The following UBTD2 variants were observed in gnomAD, a reference collection of about 807,000 sequenced individuals.
UBTD2 encodes the protein ubiquitin domain-containing protein 2.
Under a neutral mutation model 19.8 loss-of-function variants are expected in UBTD2, and 9 were observed. The ratio of observed to expected loss-of-function variants is 0.46; its 90% CI spans 0.27 to 0.79. The LOEUF (loss-of-function observed/expected upper bound fraction) is 0.79. Ranked by LOEUF, UBTD2 falls within the 30% of genes least tolerant of loss-of-function variation. The pLI is 0.14. For synonymous variants in UBTD2, 98 were observed against 103.9 expected (o/e 0.94, Z 0.35); for missense variants, 250 against 300.4 (o/e 0.83, Z 1.24).
At chr5:172,258,660 G>T (rs756292957) in intron 1 of UBTD2, among the ~76,000 whole-genome samples, 3 of 152,106 alleles carry the variant, frequency 2.0e-5, no homozygotes, top group Non-Finnish European at 4.4e-5. Flanking sequence ...TCTTGTTGTA[G>T]AGATCTTTCA....
chr5:172,242,207 C>G (rs1164387258), intron 1 of UBTD2, among the ~76,000 whole-genome samples: 1 of 152,190 alleles, frequency 6.6e-6, no homozygotes, highest in Non-Finnish European at 1.5e-5. Context: ...AACCATGAGC[C>G]AAATAAAACT....
At chr5:172,244,541 G>C (rs893107912) in intron 1 of UBTD2, among the ~76,000 whole-genome samples, 1 of 151,348 alleles carries the variant, frequency 6.6e-6, no homozygotes, top group Non-Finnish European at 1.5e-5. Flanking sequence ...TAGATGATCC[G>C]CCCGCCTTAG....
intron 1 of UBTD2, among the ~76,000 whole-genome samples, chr5:172,243,913 C>G (rs1033069584): frequency 6.6e-6 from 1 of 151,886 alleles, no homozygotes; most frequent in African/African-American, 2.4e-5. Flanking sequence ...TGGCTGAAAC[C>G]GTGCACTATT....
intron 1 of UBTD2, chr5:172,242,348 CTTAT>C (rs1772149731): frequency 6.1e-6 from 6 of 979,902 alleles, no homozygotes; most frequent in Middle Eastern, 5.3e-4. Flanking sequence ...ATTATGAAGT[CTTAT>C]TTATTAGATT....
At chr5:172,254,512 C>A in intron 1 of UBTD2, 1 of 566,910 alleles carries the variant, frequency 1.8e-6, no homozygotes, top group Non-Finnish European at 3.2e-6. Flanking sequence ...TCAGACCGAG[C>A]AAACGTCCAT....
intron 1 of UBTD2, among the ~76,000 whole-genome samples, chr5:172,282,552 A>G (rs1289624743): frequency 6.6e-6 from 1 of 152,172 alleles, no homozygotes; most frequent in Non-Finnish European, 1.5e-5. Flanking sequence ...AAAAAGTTGT[A>G]AACCCTCCCA....
At chr5:172,217,348 G>A (rs1180207623) in intron 2 of UBTD2, among the ~76,000 whole-genome samples, 1 of 151,050 alleles carries the variant, frequency 6.6e-6, no homozygotes, top group Non-Finnish European at 1.5e-5. Context: ...GAACCCGGGA[G>A]GCGGAGCTTG....
chr5:172,216,682 C>T lies in UBTD2; in HGVS notation c.308-4455G>A, dbSNP rs1038227070. On this transcript the variant is annotated intron_variant, in intron 2 of 2. Coordinates refer to ENST00000393792, the MANE Select transcript of UBTD2 (RefSeq NM_152277.3). ...CAAAGAAAAGAATTAAATGGCTGGGCGCGGTGGCTCATGCCTGTAATCCAG... is the reference window on the plus strand; with the variant it reads ...CAAAGAAAAGAATTAAATGGCTGGGTGCGGTGGCTCATGCCTGTAATCCAG... Among the ~76,000 whole-genome samples the T allele has an allele frequency of 2.0e-5, 3 of 147,798 alleles. No individual in the cohort carries two copies. In the East Asian group the frequency reaches 6.1e-4, roughly 30 times the overall value.
intron 1 of UBTD2, among the ~76,000 whole-genome samples, chr5:172,267,652 TCTC>T (rs1423088237): frequency 6.6e-6 from 1 of 152,184 alleles, no homozygotes; most frequent in Admixed American, 6.6e-5. Flanking sequence ...AAACTTAAAA[TCTC>T]CTACAGAACT....
chr5:172,223,870 C>G (rs1033020551), intron 2 of UBTD2, among the ~76,000 whole-genome samples: 6 of 151,994 alleles, frequency 3.9e-5, no homozygotes, highest in Non-Finnish European at 7.4e-5. Context: ...TGGAAGAGAA[C>G]AAAAGACAGA....
At chr5:172,277,275 T>C (rs1158701711) in intron 1 of UBTD2, among the ~76,000 whole-genome samples, 1 of 152,078 alleles carries the variant, frequency 6.6e-6, no homozygotes, top group Non-Finnish European at 1.5e-5. Flanking sequence ...AGAAAGCAAA[T>C]GTTAGCTGTG....
chr5:172,216,532 T>C (rs1006151189), intron 2 of UBTD2, among the ~76,000 whole-genome samples: 5 of 136,242 alleles, frequency 3.7e-5, no homozygotes, highest in African/African-American at 1.4e-4. Flanking sequence ...GTAGGAGGAC[T>C]GCTTGAGCCC....
At position 172,211,860 on chromosome 5, in the gene UBTD2, A is replaced by G; in HGVS notation, c.675T>C (p.Pro225=). ...DYVVQVIVSQ[P]VQNPTPVEN is the part of the protein sequence containing the mutation. ...TCTCCACTGGTGTTGGGTTCTGCAC[A>G]GGTTGGCTCACTATAACCTGTACAA... Residue 225 remains proline, a synonymous_variant, in exon 3 of 3, where the codon CCT becomes CCC. Coordinates refer to ENST00000393792, the MANE Select transcript of UBTD2 (RefSeq NM_152277.3). 6.2e-7 allele frequency: 1 copy of G among 1,613,862 alleles called. No homozygotes were observed. The highest frequency in any genetic ancestry group is 8.5e-7 in the Non-Finnish European group (1 of 1,179,788).
chr5:172,224,298 CTTTTTTTTTT>C lies in UBTD2; in HGVS notation c.307+9814_307+9823del, dbSNP rs35105814. Among the ~76,000 whole-genome samples, 14 of 121,644 alleles carry C rather than the reference CTTTTTTTTTT, an allele frequency of 1.2e-4. 1 individual carries two copies. In the South Asian group the frequency reaches 2.7e-3, roughly 24 times the overall value. 79.8% of individuals were successfully genotyped at this position (121,644 alleles called of 152,430 possible). ...TCATGAGATCTGATGTTTTTCATTT[CTTTTTTTTTT>C]TTTTTTTTTGAGACAGAATCTCACC... is the stretch of plus-strand genomic sequence containing the variant. On this transcript the variant is annotated intron_variant, in intron 2 of 2. Coordinates refer to ENST00000393792, the MANE Select transcript of UBTD2 (RefSeq NM_152277.3).
rs550817307 is a variant in UBTD2, at chr5:172,255,781, C to A, written c.71-21423G>T. On this transcript the variant is annotated intron_variant, in intron 1 of 2. Transcript: ENST00000393792. ...AGGGTGGGAGGGTCAGGGCTGAATT[C>A]TTAACTTTTAAGATAGATGGCAAGG... 6.6e-5 allele frequency among the ~76,000 whole-genome samples: 10 copies of A among 152,192 alleles called. No individual in the cohort carries two copies. The East Asian group carries it at 1.9e-3, about 29-fold the overall frequency.
At chr5:172,236,565 T>C (rs767346404) in intron 1 of UBTD2, among the ~76,000 whole-genome samples, 1 of 152,196 alleles carries the variant, frequency 6.6e-6, no homozygotes, top group Admixed American at 6.5e-5. Flanking sequence ...GAATGCAAGG[T>C]TGATTTTATT....
intron 1 of UBTD2, chr5:172,254,730 G>GT (rs1202542917): frequency 6.7e-6 from 2 of 297,324 alleles, no homozygotes; most frequent in Non-Finnish European, 1.3e-5. Flanking sequence ...AACAATGCTT[G>GT]TGGGGGGGAA....
In UBTD2 at chr5:172,211,094, A is replaced by G. The variant is rs1159249959; in HGVS notation, c.*736T>C. 6.6e-6 allele frequency: 1 copy of G among 152,162 alleles called. No individual in the cohort carries two copies. Among genetic ancestry groups the G allele is most frequent in the East Asian group, 1.9e-4 (1 of 5,206 alleles). 9.4% of individuals were successfully genotyped at this position (152,162 alleles called of 1,614,324 possible). On this transcript the variant is annotated 3_prime_UTR_variant, in exon 3 of 3. Transcript: ENST00000393792. ...GACTTTTCAACTGAGTATCTGTTGA[A>G]ACTCAAGAGACCTGACTGTATTGAT...
chr5:172,221,491 G>A (rs976894862), intron 2 of UBTD2, among the ~76,000 whole-genome samples: 6 of 152,122 alleles, frequency 3.9e-5, no homozygotes, highest in African/African-American at 1.4e-4. Context: ...GACAGAGTAA[G>A]ACCCTATCTA....
Sources: allele counts gnomAD v4.1 joint callset (sites outside exome capture counted in the v4.1 genomes callset), GRCh38; gene constraint gnomAD v4.1.1; transcripts MANE v1.5; gene names NCBI Gene and HGNC (gene_info 2026-07-23, HGNC 2026-07-21).